SPECC1: variants seen among roughly 807,000 people sequenced by gnomAD.
SPECC1 encodes the protein sperm antigen with calponin homology and coiled-coil domains 1.
A neutral mutation model predicts 104.1 loss-of-function variants in SPECC1; 62 were observed. That is an observed-to-expected ratio of 0.60 (90% CI 0.49 to 0.74). The LOEUF (loss-of-function observed/expected upper bound fraction) is 0.74. SPECC1 is among the 30% of genes least tolerant of loss of function. The pLI is 0.00. For synonymous variants in SPECC1, 513 were observed against 501.6 expected (o/e 1.02, Z -0.30); for missense variants, 1,306 against 1,310.5 (o/e 1.00, Z 0.05).
intron 3 of SPECC1, among the ~76,000 whole-genome samples, chr17:20,116,558 G>A (rs1032751533): frequency 1.3e-5 from 2 of 152,104 alleles, no homozygotes; most frequent in Admixed American, 6.5e-5. Flanking sequence ...ACATAAATAA[G>A]TGAAAGCATA....
intron 13 of SPECC1, among the ~76,000 whole-genome samples, chr17:20,300,074 T>C (rs2041517294): frequency 1.3e-5 from 2 of 152,244 alleles, no homozygotes; most frequent in Non-Finnish European, 2.9e-5. Flanking sequence ...AACCACATCA[T>C]GTGTGGCTGC....
At chr17:20,260,094 G>A in intron 11 of SPECC1, 98 bp from the exon 12 acceptor site, 1 of 892,742 alleles carries the variant, frequency 1.1e-6, no homozygotes. Flanking sequence ...GGATAAACTA[G>A]ACTTTTGCTT....
intron 7 of SPECC1, among the ~76,000 whole-genome samples, chr17:20,241,079 G>A (rs2039179209): frequency 6.6e-6 from 1 of 152,202 alleles, no homozygotes; most frequent in African/African-American, 2.4e-5. Flanking sequence ...CAGTGCTTCT[G>A]ATCTTCTTCT....
intron 2 of SPECC1, among the ~76,000 whole-genome samples, chr17:20,099,377 A>T (rs1190325245): frequency 6.6e-6 from 1 of 152,000 alleles, no homozygotes; most frequent in Non-Finnish European, 1.5e-5. Flanking sequence ...AAATATTTTT[A>T]AAAGCAGTGT....
intron 3 of SPECC1, among the ~76,000 whole-genome samples, chr17:20,146,820 T>G (rs1248973562): frequency 1.3e-5 from 2 of 151,912 alleles, no homozygotes; most frequent in African/African-American, 4.8e-5. Context: ...GCAGGAGAAT[T>G]GCTTGAACCC....
intron 4 of SPECC1, among the ~76,000 whole-genome samples, chr17:20,216,599 G>C (rs2037504834): frequency 6.6e-6 from 1 of 152,084 alleles, no homozygotes; most frequent in South Asian, 2.1e-4. Context: ...CTTATCCTCT[G>C]GGCCCTGCGT....
chr17:20,112,502 G>T, intron 3 of SPECC1: 1 of 768,642 alleles, frequency 1.3e-6, no homozygotes, highest in Admixed American at 1.7e-5. Context: ...CTTCAGTGGT[G>T]CTGATCTTTC....
intron 3 of SPECC1, among the ~76,000 whole-genome samples, chr17:20,200,037 C>T (rs983912311): frequency 3.3e-5 from 5 of 152,184 alleles, no homozygotes; most frequent in Admixed American, 2.6e-4. Context: ...GTGATCCACC[C>T]GCCTTGACCT....
chr17:20,228,163 A>G (rs895940824), intron 5 of SPECC1, among the ~76,000 whole-genome samples: 11 of 152,182 alleles, frequency 7.2e-5, no homozygotes, highest in African/African-American at 1.9e-4. Context: ...ATGAGTCAGC[A>G]GTGTGTAGGT....
chr17:20,214,185 A>C (rs1283779371), intron 4 of SPECC1, among the ~76,000 whole-genome samples: 1 of 152,238 alleles, frequency 6.6e-6, no homozygotes, highest in Non-Finnish European at 1.5e-5. Context: ...CAGAGTGCTG[A>C]AGAGTTCTTT....
chr17:20,201,504 A>G (rs1187613112), intron 3 of SPECC1, among the ~76,000 whole-genome samples: 1 of 152,070 alleles, frequency 6.6e-6, no homozygotes, highest in Admixed American at 6.6e-5. Flanking sequence ...AAAGAAAGAA[A>G]AAGTCAGCCT....
At chr17:20,016,309 C>T (rs2044124088) in intron 1 of SPECC1, among the ~76,000 whole-genome samples, 1 of 152,012 alleles carries the variant, frequency 6.6e-6, no homozygotes, top group Non-Finnish European at 1.5e-5. Context: ...TGACAGCGTG[C>T]TGGCAGTCCT....
intron 1 of SPECC1, among the ~76,000 whole-genome samples, chr17:20,013,744 C>T (rs2044021608): frequency 6.6e-6 from 1 of 151,584 alleles, no homozygotes; most frequent in South Asian, 2.1e-4. Flanking sequence ...CTCAAGTGAT[C>T]TGCCTGCCTT....
At chr17:20,123,562 G>A (rs1291805500) in intron 3 of SPECC1, among the ~76,000 whole-genome samples, 1 of 151,962 alleles carries the variant, frequency 6.6e-6, no homozygotes, top group East Asian at 1.9e-4. Context: ...GACATGAGGA[G>A]GGGAACTCGT....
At chr17:20,075,929 A>G (rs746015843) in intron 1 of SPECC1, among the ~76,000 whole-genome samples, 5 of 152,168 alleles carry the variant, frequency 3.3e-5, no homozygotes, top group Non-Finnish European at 5.9e-5. Flanking sequence ...CTTGGGCAAC[A>G]TAGCAAGACC....
At chr17:20,308,661 A>G (rs1014172304) in intron 14 of SPECC1, among the ~76,000 whole-genome samples, 1 of 152,236 alleles carries the variant, frequency 6.6e-6, no homozygotes, top group Non-Finnish European at 1.5e-5. Context: ...TCACACACAC[A>G]AAGAAAAAAT....
intron 9 of SPECC1, among the ~76,000 whole-genome samples, chr17:20,250,681 T>G (rs2151557835): frequency 6.6e-6 from 1 of 152,328 alleles, no homozygotes; most frequent in East Asian, 1.9e-4. Context: ...AATGTCAATC[T>G]TACGTAAATT....
rs144200434 is a variant in SPECC1, at chr17:20,049,192, G to A, written c.-22+39768G>A. ...TATATGCTATCAGCAAAAAATGAGA[G>A]TGCCAGTCTCCTCACATTCTCACCA... On this transcript the variant is annotated intron_variant, in intron 1 of 14. Transcript: ENST00000395527. Among the ~76,000 whole-genome samples, 1,138 of 152,258 alleles carry A rather than the reference G, an allele frequency of 7.5e-3. 12 individuals are homozygous for A. The highest frequency in any genetic ancestry group is 0.025 in the African/African-American group (1,050 of 41,528).
At chr17:20,299,555 CAAAAAAAAAAAA>C (rs57493380) in intron 13 of SPECC1, among the ~76,000 whole-genome samples, 12 of 40,372 alleles carry the variant, frequency 3.0e-4, no homozygotes, top group East Asian at 7.3e-4. Flanking sequence ...GACCCTGTCT[CAAAAAAAAAAAA>C]AAAAAAAAAA....
Sources: gnomAD v4.1 joint callset for allele counts (sites outside exome capture counted in the v4.1 genomes callset) on GRCh38, gnomAD v4.1.1 for gene constraint, MANE v1.5 for transcripts, NCBI Gene and HGNC (gene_info 2026-07-23, HGNC 2026-07-21) for gene names.